TRIO: variants seen among roughly 807,000 people sequenced by gnomAD.
TRIO encodes triple functional domain protein.
TRIO carries 58 observed loss-of-function variants against 351.9 expected under a neutral mutation model. The observed-to-expected ratio is 0.16, with a 90% confidence interval of 0.13 to 0.21. The LOEUF is 0.21. TRIO is among the 10% of genes least tolerant of loss of function. The probability of loss-of-function intolerance (pLI) is 1.00; values close to 1 mark genes in which losing one functional copy is unlikely to be tolerated. For synonymous variants in TRIO, 1,758 were observed against 1,595.7 expected (o/e 1.10, Z -2.42); for missense variants, 3,201 against 4,027.8 (o/e 0.79, Z 5.56).
In TRIO at chr5:14,462,773, C is replaced by T. The variant is rs1561520389; in HGVS notation, c.5515C>T (p.Leu1839=). The T allele has an allele frequency of 3.1e-6, 5 of 1,614,074 alleles. No individual in the cohort carries two copies. In the South Asian group the frequency reaches 3.3e-5, roughly 11 times the overall value. Residue 1839 remains leucine, a synonymous_variant, in exon 36 of 57, where the codon CTG becomes TTG. Coordinates refer to ENST00000344204, the MANE Select transcript of TRIO (RefSeq NM_007118.4). ...TVEERGRNEG[L]SSGTLSKSSS... Reference sequence around the variant, plus strand: ...ATTTCAGAGAGGCCGGAACGAGGGCCTGAGCAGCGGTACTCTCTCCAAATC... The same window carrying T: ...ATTTCAGAGAGGCCGGAACGAGGGCTTGAGCAGCGGTACTCTCTCCAAATC...
At chr5:14,504,768 A>C in intron 55 of TRIO, 175 bp downstream of exon 55, 1 of 775,870 alleles carries the variant, frequency 1.3e-6, no homozygotes, top group Non-Finnish European at 2.0e-6. Flanking sequence ...TAATGGCAGA[A>C]AGCAGTGTGG....
intron 1 of TRIO, among the ~76,000 whole-genome samples, chr5:14,230,599 C>T (rs1793355282): frequency 6.6e-6 from 1 of 152,114 alleles, no homozygotes; most frequent in Non-Finnish European, 1.5e-5. Flanking sequence ...TGTGCTTCCT[C>T]AGAATTTCTG....
intron 33 of TRIO, among the ~76,000 whole-genome samples, chr5:14,407,884 G>C (rs1199868206): frequency 1.3e-5 from 2 of 152,162 alleles, no homozygotes; most frequent in African/African-American, 2.4e-5. Flanking sequence ...AGACTAGTGT[G>C]TTCTGTTACA....
chr5:14,317,534 G>C (rs1214935687), intron 9 of TRIO, among the ~76,000 whole-genome samples: 3 of 152,180 alleles, frequency 2.0e-5, no homozygotes, highest in African/African-American at 7.2e-5. Flanking sequence ...CAGGATCTCA[G>C]GTTTCCATCT....
intron 1 of TRIO, among the ~76,000 whole-genome samples, chr5:14,162,646 G>A (rs887762828): frequency 2.0e-5 from 3 of 152,128 alleles, no homozygotes; most frequent in African/African-American, 7.2e-5. Context: ...TATTTTGATA[G>A]CACTGGTCAG....
At chr5:14,368,634 G>A in intron 16 of TRIO, 74 bp from the exon 17 acceptor site, 1 of 1,487,932 alleles carries the variant, frequency 6.7e-7, no homozygotes, top group Non-Finnish European at 9.1e-7. Context: ...CAGAGTAACT[G>A]TAGCCATCCT....
chr5:14,479,370 C>A lies in TRIO; in HGVS notation c.6243+20C>A. 6.4e-7 allele frequency: 1 copy of A among 1,566,482 alleles called. No individual in the cohort carries two copies. The highest frequency in any genetic ancestry group is 8.7e-7 in the Non-Finnish European group (1 of 1,144,140). ...TTTGAGGTAAGACCTAAGATACAAA[C>A]AGAAAGTATTTCTGAATCTTTTGTT... On this transcript the variant is annotated intron_variant, in intron 42 of 56. Transcript: ENST00000344204.
rs755106488 is a variant in TRIO, at chr5:14,497,141, G to T, written c.8019+124G>T. On this transcript the variant is annotated intron_variant, in intron 50 of 56. Coordinates refer to ENST00000344204, the MANE Select transcript of TRIO (RefSeq NM_007118.4). The surrounding 1 kb of genome is among the most constrained non-coding windows in gnomAD (Gnocchi z 4.4). ...GACCTCCCTCCCACCCACCAGCCCC[G>T]TGCCCTGCGTGTCCTGTAGGGTCTT... 1 of 1,374,234 alleles carries T rather than the reference G, an allele frequency of 7.3e-7. No individual in the cohort carries two copies. Among genetic ancestry groups the T allele is most frequent in the African/African-American group, 1.5e-5 (1 of 68,552 alleles). 85.1% of individuals were successfully genotyped at this position (1,374,234 alleles called of 1,614,324 possible).
intron 48 of TRIO, among the ~76,000 whole-genome samples, chr5:14,491,033 A>ACTC (rs1341572975): frequency 6.6e-6 from 1 of 152,090 alleles, no homozygotes; most frequent in Non-Finnish European, 1.5e-5. Context: ...CAGGAAGCAG[A>ACTC]CTCCTCCACG....
chr5:14,214,295 C>A (rs1344134233), intron 1 of TRIO, among the ~76,000 whole-genome samples: 1 of 152,134 alleles, frequency 6.6e-6, no homozygotes, highest in African/African-American at 2.4e-5. Context: ...CCTTCAGGCC[C>A]CAAGGAAGGG....
intron 11 of TRIO, among the ~76,000 whole-genome samples, chr5:14,344,155 G>T (rs764576032): frequency 1.3e-5 from 2 of 152,140 alleles, no homozygotes; most frequent in African/African-American, 4.8e-5. Context: ...CCACCAGCTG[G>T]TGAAAGCAAG....
At chr5:14,433,933 C>T (rs897320978) in intron 34 of TRIO, among the ~76,000 whole-genome samples, 2 of 152,162 alleles carry the variant, frequency 1.3e-5, no homozygotes, top group African/African-American at 4.8e-5. Context: ...GGTCCTTTGG[C>T]TCATCTTAAT....
intron 3 of TRIO, among the ~76,000 whole-genome samples, chr5:14,284,242 AATGCTAAAATAACTGGTTAAT>A (rs1736255796): frequency 6.6e-6 from 1 of 152,132 alleles, no homozygotes; most frequent in Non-Finnish European, 1.5e-5. Flanking sequence ...CTTTGGTAAA[AATGCTAAAATAACTGGTTAAT>A]AAGTCACATT....
At chr5:14,258,782 G>C (rs559945232) in intron 1 of TRIO, among the ~76,000 whole-genome samples, 2 of 152,216 alleles carry the variant, frequency 1.3e-5, no homozygotes, top group Non-Finnish European at 2.9e-5. Context: ...CTCCACAGCA[G>C]TGGCCCAGGG....
chr5:14,224,927 A>AGGCTGTTT lies in TRIO; in HGVS notation c.158-45895_158-45888dup, dbSNP rs536452949. On this transcript the variant is annotated intron_variant, in intron 1 of 56. Coordinates refer to ENST00000344204, the MANE Select transcript of TRIO (RefSeq NM_007118.4). ...TTTTAGTATCACATGTAAAAATTAA[A>AGGCTGTTT]GGCTGTTTGGTCTTTGAATACTTCA... 5.8e-3 allele frequency among the ~76,000 whole-genome samples: 889 copies of AGGCTGTTT among 152,312 alleles called. 7 individuals carry two copies. Among genetic ancestry groups the AGGCTGTTT allele is most frequent in the African/African-American group, 0.02 (844 of 41,576 alleles).
At chr5:14,379,141 C>G (rs546829722) in intron 20 of TRIO, among the ~76,000 whole-genome samples, 1 of 152,278 alleles carries the variant, frequency 6.6e-6, no homozygotes, top group Non-Finnish European at 1.5e-5. Context: ...CCCCCAGCGT[C>G]TGTGTGTGGC....
intron 31 of TRIO, among the ~76,000 whole-genome samples, chr5:14,403,176 T>G (rs903673447): frequency 1.1e-5 from 1 of 89,682 alleles, no homozygotes; most frequent in Admixed American, 1.2e-4. Context: ...GTGGTGAGGG[T>G]GCAGGTTGTG....
chr5:14,272,086 A>G (rs565798218), intron 2 of TRIO, among the ~76,000 whole-genome samples: 2 of 152,250 alleles, frequency 1.3e-5, no homozygotes, highest in African/African-American at 4.8e-5. Flanking sequence ...ACTGAGTTTT[A>G]AAAGTAGCAT....
intron 34 of TRIO, among the ~76,000 whole-genome samples, chr5:14,433,294 A>G (rs1751325895): frequency 6.6e-6 from 1 of 152,256 alleles, no homozygotes; most frequent in African/African-American, 2.4e-5. Flanking sequence ...TGGATTGGCA[A>G]CTGTGCTAGA....
Sources: gnomAD v4.1 joint callset for allele counts (sites outside exome capture counted in the v4.1 genomes callset) on GRCh38, gnomAD v4.1.1 for gene constraint, Gnocchi (gnomAD v3.1) non-coding constraint, MANE v1.5 for transcripts, NCBI Gene and HGNC (gene_info 2026-07-23, HGNC 2026-07-21) for gene names.